IRX6: variants seen among roughly 807,000 people sequenced by gnomAD.
The protein encoded by IRX6 is iroquois homeobox 6, also known as iroquois-class homeodomain protein IRX-6.
IRX6 carries 46 observed loss-of-function variants against 47.7 expected under a neutral mutation model. That is an observed-to-expected ratio of 0.96 (90% CI 0.76 to 1.23). The LOEUF is 1.23. IRX6 is among the 50% of genes most tolerant of loss of function. IRX6 has a pLI of 0.00. For missense variants in IRX6, 722 were observed against 588.0 expected, an observed-to-expected ratio of 1.23 and a Z score of -2.36; for synonymous variants, 265 against 246.2, an observed-to-expected ratio of 1.08 and a Z score of -0.72.
intron 1 of IRX6, 148 bp downstream of exon 1, chr16:55,325,284 A>T: frequency 1.4e-6 from 1 of 707,036 alleles, no homozygotes; most frequent in South Asian, 1.7e-5. Context: ...GCCTCCTCTG[A>T]CATCCCCAGT....
chr16:55,325,070 AGACGGGCCAGG>A lies in IRX6; in HGVS notation c.-18_-8del. 6.2e-7 allele frequency: 1 copy of A among 1,613,844 alleles called. No homozygotes were observed. Among genetic ancestry groups the A allele is most frequent in the Non-Finnish European group, 8.5e-7 (1 of 1,179,882 alleles). Reference sequence around the variant, plus strand: ...GACGGGAACTCGACAGGGAAGAGAGAGACGGGCCAGGGACAGCCACCATGTCCTTCCCACAC... The same window carrying A: ...GACGGGAACTCGACAGGGAAGAGAGAGACAGCCACCATGTCCTTCCCACAC... On this transcript the variant is annotated 5_prime_UTR_variant, in exon 1 of 6. Transcript: ENST00000290552.
intron 1 of IRX6, 23 bp from the exon 2 acceptor site, chr16:55,326,313 T>A (rs1427664610): frequency 1.3e-6 from 2 of 1,588,000 alleles, no homozygotes; most frequent in South Asian, 2.3e-5. Flanking sequence ...TGACCTCCAG[T>A]GCCCTCTTTC....
Position 55,328,933 on chromosome 16 carries a change from A to G in IRX6, c.955A>G (p.Asn319Asp). ...CCTGGCTGCGCCCCGCTTCTCCTTC[A>G]ATGACCCTTCCGGATCGGAAGAAGC... is the stretch of plus-strand genomic sequence containing the variant. ...CGLAAPRFSF[N>D]DPSGSEEADF... Residue 319 changes from asparagine (N) to aspartate (D), a missense_variant, in exon 5 of 6, where the codon AAT becomes GAT. Physicochemically the swap from Asn to Asp is conservative, Grantham distance 23. Transcript: ENST00000290552. 1 of 1,613,270 alleles carries G rather than the reference A, an allele frequency of 6.2e-7. No individual in the cohort carries two copies. Among genetic ancestry groups the G allele is most frequent in the East Asian group, 2.2e-5 (1 of 44,856 alleles).
intron 1 of IRX6, 68 bp downstream of exon 1, chr16:55,325,204 G>T (rs1203403310): frequency 6.7e-7 from 1 of 1,495,818 alleles, no homozygotes; most frequent in East Asian, 2.3e-5. Flanking sequence ...CACGGCGCCT[G>T]CCTCTGATCA....
Position 55,330,602 on chromosome 16 carries a change from T to C in IRX6, c.*297T>C, listed in dbSNP as rs1379813207. 2.0e-6 allele frequency: 1 copy of C among 511,746 alleles called. No individual in the cohort carries two copies. The highest frequency in any genetic ancestry group is 1.9e-5 in the African/African-American group (1 of 52,168). 31.7% of individuals were successfully genotyped at this position (511,746 alleles called of 1,614,324 possible). A position where few individuals can be genotyped will look rare whatever the true frequency, so the allele number is the denominator to read the frequency against. The stretch of plus-strand genomic sequence containing the variant: ...ACCAAGTCTCTCTTCCTCCTGTGGA[T>C]TCAGCAAGGCTTCCTCTCCTGCTCA... On this transcript the variant is annotated 3_prime_UTR_variant, in exon 6 of 6. Transcript: ENST00000290552.
At position 55,327,987 on chromosome 16, in the gene IRX6, G is replaced by A. The variant is rs1342326010; in HGVS notation, c.721+94G>A. ...GCTGCCCTGTAGGGTAGATTTTCTGGAAGGTCCTCAGACTTACCCTTGCAC... is the reference window on the plus strand; with the variant it reads ...GCTGCCCTGTAGGGTAGATTTTCTGAAAGGTCCTCAGACTTACCCTTGCAC... On this transcript the variant is annotated intron_variant, in intron 4 of 5. Transcript: ENST00000290552. 3.8e-6 allele frequency: 5 copies of A among 1,303,268 alleles called. No homozygotes were observed. In the African/African-American group the frequency reaches 6.0e-5, roughly 16 times the overall value. The allele number at this position is 1,303,268 out of a possible 1,614,324, so 80.7% of individuals were successfully genotyped here.
Position 55,327,719 on chromosome 16 carries a change from G to T in IRX6, c.547G>T (p.Ala183Ser). Residue 183 changes from alanine (A) to serine (S), a missense_variant, in exon 4 of 6, where the codon GCC (alanine) becomes TCC (serine). Physicochemically the swap from Ala to Ser is moderately conservative, Grantham distance 99 (BLOSUM62 1). Coordinates refer to ENST00000290552, the MANE Select transcript of IRX6 (RefSeq NM_024335.3). ...YPTKGEKIML[A>S]IITKMTLTQV... ...CACTAAGGGTGAGAAGATCATGCTG[G>T]CCATCATCACCAAGATGACCCTCAC... is the stretch of plus-strand genomic sequence containing the variant. 2.5e-6 allele frequency: 4 copies of T among 1,612,334 alleles called. No individual in the cohort carries two copies. In the South Asian group the frequency reaches 4.4e-5, roughly 18 times the overall value.
chr16:55,326,260 C>A, intron 1 of IRX6, 76 bp from the exon 2 acceptor site: 7 of 1,272,362 alleles, frequency 5.5e-6, no homozygotes, highest in Non-Finnish European at 7.5e-6. Context: ...TTGTTTCTAG[C>A]TCCCTTCAGC....
Position 55,329,198 on chromosome 16 carries a change from C to A in IRX6, c.1220C>A (p.Pro407His). 3 of 1,614,130 alleles carry A rather than the reference C, an allele frequency of 1.9e-6. No individual in the cohort carries two copies. The highest frequency in any genetic ancestry group is 2.5e-6 in the Non-Finnish European group (3 of 1,180,046). The change falls in exon 5 of 6, where the codon CCC (proline) becomes CAC (histidine). Residue 407 changes from proline to histidine, a missense_variant. Physicochemically the swap from Pro to His is moderately conservative, Grantham distance 77. Coordinates refer to ENST00000290552, the MANE Select transcript of IRX6 (RefSeq NM_024335.3). ...DSACDESSCI[P>H]KAFGNPKFAL... is the part of the protein sequence containing the mutation. ...GCGTGCGACGAGTCTTCCTGCATAC[C>A]CAAAGCCTTTGGAAACCCCAAGTTT...
At chr16:55,326,675 T>A (rs1377084875) in intron 2 of IRX6, 82 bp downstream of exon 2, 1 of 1,390,598 alleles carries the variant, frequency 7.2e-7, no homozygotes, top group African/African-American at 1.5e-5. Flanking sequence ...GACCCACACC[T>A]CCCGAGGAAA....
rs776665375 is a variant in IRX6, at chr16:55,328,682, G to A, written c.722-18G>A. 16 of 1,609,856 alleles carry A rather than the reference G, an allele frequency of 9.9e-6. No homozygotes were observed. The highest frequency in any genetic ancestry group is 1.4e-5 in the Non-Finnish European group (16 of 1,178,174). On this transcript the variant is annotated intron_variant, in intron 4 of 5. Transcript: ENST00000290552. Reference sequence around the variant, plus strand: ...TTGGGCCCTGGGGCTTTTCTCACTCGCTCTTGATTTCCTGCAGAAGTTACT... The same window carrying A: ...TTGGGCCCTGGGGCTTTTCTCACTCACTCTTGATTTCCTGCAGAAGTTACT...
At chr16:55,325,239 G>A in intron 1 of IRX6, 103 bp downstream of exon 1, 3 of 1,098,116 alleles carry the variant, frequency 2.7e-6, no homozygotes, top group South Asian at 1.3e-5. Flanking sequence ...TCTGGGGGAA[G>A]CCAGAAGGAG....
Position 55,326,417 on chromosome 16 carries a change from C to T in IRX6, c.127C>T (p.Pro43Ser), listed in dbSNP as rs1261512640. 4 of 1,614,052 alleles carry T rather than the reference C, an allele frequency of 2.5e-6. No individual in the cohort carries two copies. The South Asian group carries it at 4.4e-5, about 18-fold the overall frequency. The stretch of plus-strand genomic sequence containing the variant: ...CTCAGATGTGGCATCAGGCTCCACC[C>T]CAGCGCCCGCTCTCTGCTGCGCACC... ...SVSDVASGST[P>S]APALCCAPYD... Residue 43 changes from proline (P) to serine (S), a missense_variant, in exon 2 of 6, where the codon CCA (proline) becomes TCA (serine). Physicochemically the swap from Pro to Ser is moderately conservative, Grantham distance 74. Coordinates refer to ENST00000290552, the MANE Select transcript of IRX6 (RefSeq NM_024335.3).
chr16:55,327,005 G>A (rs890054846), intron 2 of IRX6: 17 of 370,516 alleles, frequency 4.6e-5, no homozygotes, highest in Middle Eastern at 7.3e-4. Flanking sequence ...GGGACAAGTG[G>A]TACAGTAATA....
chr16:55,328,095 A>T (rs1433671378), intron 4 of IRX6, among the ~76,000 whole-genome samples: 1 of 151,960 alleles, frequency 6.6e-6, no homozygotes, highest in Non-Finnish European at 1.5e-5. Flanking sequence ...CTTGACATCA[A>T]AGTGTTACCT....
intron 1 of IRX6, chr16:55,325,864 CT>C (rs1960512276): frequency 6.3e-6 from 1 of 158,318 alleles, no homozygotes; most frequent in African/African-American, 2.4e-5. Context: ...CCGGCTCGAC[CT>C]TTGACCTGCT....
At chr16:55,329,381 T>C in intron 5 of IRX6, 70 bp downstream of exon 5, 2 of 1,518,174 alleles carry the variant, frequency 1.3e-6, no homozygotes, top group Non-Finnish European at 8.8e-7. Context: ...GCCCGGCAAT[T>C]GCACACCCTC....
In IRX6 at chr16:55,326,355, C is replaced by G. The variant is rs2142267393; in HGVS notation, c.65C>G (p.Ser22Cys). ...CTATAGTTTCTGGCGTCGGCAAGTT[C>G]CAGCACCACATGCTGCGAATCTACC... ...GASQFLASAS[S>C]STTCCESTQR... Residue 22 changes from serine (S) to cysteine (C), a missense_variant, in exon 2 of 6, where the codon TCC becomes TGC. Transcript: ENST00000290552. 1 of 1,613,590 alleles carries G rather than the reference C, an allele frequency of 6.2e-7. No individual in the cohort carries two copies. The highest frequency in any genetic ancestry group is 2.2e-5 in the East Asian group (1 of 44,854).
At position 55,329,255 on chromosome 16, in the gene IRX6, C is replaced by T. The variant is rs774614853; in HGVS notation, c.1277C>T (p.Pro426Leu). ...ALQGLPLNCA[P>L]CPRRSEPVVQ... ...CAGGGACTACCGCTGAACTGTGCGC[C>T]GTGCCCGCGGAGGAGCGAGCCTGTA... Residue 426 changes from proline (P) to leucine (L), a missense_variant, in exon 5 of 6, where the codon CCG becomes CTG. Coordinates refer to ENST00000290552, the MANE Select transcript of IRX6 (RefSeq NM_024335.3). 13 of 1,613,364 alleles carry T rather than the reference C, an allele frequency of 8.1e-6. No individual in the cohort carries two copies. The African/African-American group carries it at 1.6e-4, about 20-fold the overall frequency.
Sources: gnomAD v4.1 joint callset for allele counts (sites outside exome capture counted in the v4.1 genomes callset) on GRCh38, gnomAD v4.1.1 for gene constraint, MANE v1.5 for transcripts, NCBI Gene and HGNC (gene_info 2026-07-23, HGNC 2026-07-21) for gene names.